The following KLHL29 variants were observed in gnomAD, a reference collection of about 807,000 sequenced individuals.
The protein encoded by KLHL29 is kelch like family member 29.
KLHL29 carries 21 observed loss-of-function variants against 80.4 expected under a neutral mutation model. The observed-to-expected ratio is 0.26, with a 90% CI of 0.19 to 0.38. KLHL29 has a LOEUF of 0.38. KLHL29 is among the 10% of genes least tolerant of loss of function. The pLI is 1.00. For missense variants in KLHL29, 867 were observed against 1,223.9 expected (o/e 0.71, Z 4.35); for synonymous variants, 511 against 526.8 (o/e 0.97, Z 0.41).
Position 23,647,308 on chromosome 2 carries a change from A to G in KLHL29, c.940+4458A>G, listed in dbSNP as rs1669964786. 6.6e-6 allele frequency among the ~76,000 whole-genome samples: 1 copy of G among 152,198 alleles called. No individual in the cohort carries two copies. The highest frequency in any genetic ancestry group is 6.5e-5 in the Admixed American group (1 of 15,282). ...ATATTCTGGAAGAAGCTGGGAATGC[A>G]TGATAAAGCTGTTCGCCCACACTCA... On this transcript the variant is annotated intron_variant, in intron 5 of 13. Transcript: ENST00000486442. This position sits in a 1 kb window ranked among gnomAD's most constrained non-coding sequence, Gnocchi z 4.9.
chr2:23,563,928 C>T (rs1038495784), intron 3 of KLHL29, among the ~76,000 whole-genome samples: 7 of 152,258 alleles, frequency 4.6e-5, no homozygotes, highest in African/African-American at 1.7e-4. Flanking sequence ...AAACACATTC[C>T]TCCCCTGGGC....
intron 1 of KLHL29, among the ~76,000 whole-genome samples, chr2:23,442,174 C>T (rs896924295): frequency 6.6e-6 from 1 of 152,044 alleles, no homozygotes; most frequent in Non-Finnish European, 1.5e-5. Flanking sequence ...GTCTCTATCT[C>T]CTACCTCCCA....
intron 2 of KLHL29, among the ~76,000 whole-genome samples, chr2:23,554,391 TC>T (rs1158023143): frequency 2.0e-5 from 3 of 152,180 alleles, no homozygotes; most frequent in African/African-American, 4.8e-5. Context: ...CGAGGCTCAT[TC>T]CTCAGCCAGC....
intron 3 of KLHL29, among the ~76,000 whole-genome samples, chr2:23,622,081 C>G (rs1322123921): frequency 6.6e-6 from 1 of 152,208 alleles, no homozygotes; most frequent in East Asian, 1.9e-4. Context: ...CCAGCACCCT[C>G]TCATCAGGCC....
chr2:23,595,712 AAC>A lies in KLHL29; in HGVS notation c.285+33237_285+33238del, dbSNP rs138218612. ...TGACCTCCTAGGAGGCAGTGTCCCC[AAC>A]ACACAGCCAGGGGACTCCATCTGGA... On this transcript the variant is annotated intron_variant, in intron 3 of 13. Coordinates refer to ENST00000486442, the MANE Select transcript of KLHL29 (RefSeq NM_052920.2). Among the ~76,000 whole-genome samples the A allele has an allele frequency of 7.9e-5, 12 of 152,228 alleles. No homozygotes were observed. The East Asian group carries it at 2.1e-3, about 27-fold the overall frequency.
At chr2:23,456,421 A>G (rs1664052379) in intron 1 of KLHL29, among the ~76,000 whole-genome samples, 1 of 152,244 alleles carries the variant, frequency 6.6e-6, no homozygotes, top group Non-Finnish European at 1.5e-5. Flanking sequence ...TGCAGGTGGA[A>G]ACATTTGTTC....
chr2:23,533,535 G>A (rs1398000617), intron 2 of KLHL29, among the ~76,000 whole-genome samples: 1 of 152,146 alleles, frequency 6.6e-6, no homozygotes, highest in Non-Finnish European at 1.5e-5. Context: ...GCAGCTCTGT[G>A]CAGCCTCTGG....
At chr2:23,651,910 C>A (rs1389374569) in intron 5 of KLHL29, among the ~76,000 whole-genome samples, 2 of 152,158 alleles carry the variant, frequency 1.3e-5, no homozygotes, top group Non-Finnish European at 2.9e-5. Context: ...GGTTAGGGAC[C>A]CACCCTATGA....
intron 1 of KLHL29, among the ~76,000 whole-genome samples, chr2:23,421,415 C>A (rs541648333): frequency 6.6e-6 from 1 of 152,288 alleles, no homozygotes. Flanking sequence ...CCTCTCCTCT[C>A]CTCTCCTCCT....
chr2:23,703,225 T>G lies in KLHL29; in HGVS notation c.2145T>G (p.Pro715=). The change falls in exon 12 of 14, where the codon CCT becomes CCG. Residue 715 remains proline, a synonymous_variant. Coordinates refer to ENST00000486442, the MANE Select transcript of KLHL29 (RefSeq NM_052920.2). ...TITNQWEAVA[P]LPKAVHSAAA... ...CCAACCAATGGGAGGCGGTGGCCCC[T>G]CTGCCCAAGGCAGTACACTCTGCTG... 6.8e-7 allele frequency: 1 copy of G among 1,480,506 alleles called. No homozygotes were observed. The highest frequency in any genetic ancestry group is 9.0e-7 in the Non-Finnish European group (1 of 1,112,528). 91.7% of individuals were successfully genotyped at this position (1,480,506 alleles called of 1,614,324 possible).
At chr2:23,434,694 C>T (rs1466037886) in intron 1 of KLHL29, among the ~76,000 whole-genome samples, 1 of 152,220 alleles carries the variant, frequency 6.6e-6, no homozygotes, top group Non-Finnish European at 1.5e-5. Context: ...GATGAAGTGG[C>T]TTTGCAGCAG....
At position 23,680,112 on chromosome 2, in the gene KLHL29, CAG is replaced by C. The variant is rs1209047480; in HGVS notation, c.941-4286_941-4285del. 6.6e-6 allele frequency among the ~76,000 whole-genome samples: 1 copy of C among 152,150 alleles called. No individual in the cohort carries two copies. Among genetic ancestry groups the C allele is most frequent in the Admixed American group, 6.5e-5 (1 of 15,270 alleles). On this transcript the variant is annotated intron_variant, in intron 5 of 13. Transcript: ENST00000486442. The surrounding 1 kb of genome is among the most constrained non-coding windows in gnomAD (Gnocchi z 4.1). ...GGCCTGGAGGGGGACAGGCTGGAAA[CAG>C]GGAGACATCCTCAGAGGCTGTTGCA...
At position 23,596,969 on chromosome 2, in the gene KLHL29, G is replaced by A. The variant is rs1216618311; in HGVS notation, c.285+34488G>A. On this transcript the variant is annotated intron_variant, in intron 3 of 13. Coordinates refer to ENST00000486442, the MANE Select transcript of KLHL29 (RefSeq NM_052920.2). This position sits in a 1 kb window ranked among gnomAD's most constrained non-coding sequence, Gnocchi z 4.4. ...CGTTTAGAATCAAATAGAGCTAATG[G>A]TGAAGTCTCTTCCCACTGAAAAGAG... Among the ~76,000 whole-genome samples the A allele has an allele frequency of 6.6e-6, 1 of 152,108 alleles. No individual in the cohort carries two copies. Among genetic ancestry groups the A allele is most frequent in the African/African-American group, 2.4e-5 (1 of 41,418 alleles).
chr2:23,671,248 A>G (rs1010422309), intron 5 of KLHL29, among the ~76,000 whole-genome samples: 2 of 151,844 alleles, frequency 1.3e-5, no homozygotes, highest in Admixed American at 1.3e-4. Context: ...TTGGGAAGTA[A>G]TGGCTTTTAC....
At chr2:23,499,540 C>T (rs1054758727) in intron 2 of KLHL29, among the ~76,000 whole-genome samples, 1 of 152,152 alleles carries the variant, frequency 6.6e-6, no homozygotes, top group African/African-American at 2.4e-5. Flanking sequence ...ATGGAGTAAT[C>T]GGAATCACCG....
chr2:23,499,126 A>G (rs1375992120), intron 2 of KLHL29, among the ~76,000 whole-genome samples: 1 of 152,132 alleles, frequency 6.6e-6, no homozygotes, highest in East Asian at 1.9e-4. Flanking sequence ...TGCCTGAGGA[A>G]ATGGTTTCGC....
At chr2:23,619,340 C>T (rs777600653) in intron 3 of KLHL29, among the ~76,000 whole-genome samples, 5 of 152,098 alleles carry the variant, frequency 3.3e-5, no homozygotes, top group African/African-American at 4.8e-5. Flanking sequence ...CAGCCTGGGC[C>T]GCTGGGGAAA....
At chr2:23,560,221 G>A (rs553323305) in intron 2 of KLHL29, among the ~76,000 whole-genome samples, 2 of 149,092 alleles carry the variant, frequency 1.3e-5, no homozygotes, top group South Asian at 2.2e-4. Context: ...GAGATCAAAA[G>A]GGAATGGATT....
intron 2 of KLHL29, among the ~76,000 whole-genome samples, chr2:23,497,072 A>C (rs1418535958): frequency 6.6e-6 from 1 of 152,018 alleles, no homozygotes; most frequent in East Asian, 1.9e-4. Context: ...AAAAAAAAAA[A>C]AACTATGAGC....
Sources: gnomAD v4.1 joint callset for allele counts (sites outside exome capture counted in the v4.1 genomes callset) on GRCh38, gnomAD v4.1.1 for gene constraint, Gnocchi (gnomAD v3.1) non-coding constraint, MANE v1.5 for transcripts, NCBI Gene and HGNC (gene_info 2026-07-23, HGNC 2026-07-21) for gene names.